CREB5: variants seen among roughly 807,000 people sequenced by gnomAD.
The protein encoded by CREB5 is cAMP responsive element binding protein 5.
A neutral mutation model predicts 57.1 loss-of-function variants in CREB5; 19 were observed. That is an observed-to-expected ratio of 0.33 (90% CI 0.23 to 0.49). The LOEUF (loss-of-function observed/expected upper bound fraction) is 0.49. CREB5 is among the 20% of genes least tolerant of loss of function. CREB5 has a pLI of 0.99. For missense variants in CREB5, 579 were observed against 671.6 expected, an observed-to-expected ratio of 0.86 and a Z score of 1.52; for synonymous variants, 238 against 238.3, an observed-to-expected ratio of 1.00 and a Z score of 0.01.
intron 7 of CREB5, among the ~76,000 whole-genome samples, chr7:28,730,409 T>C (rs1421258213): frequency 2.0e-5 from 3 of 151,678 alleles, no homozygotes; most frequent in African/African-American, 7.3e-5. Flanking sequence ...ATCTTGGAAC[T>C]CCTGGGTTCA....
At chr7:28,699,138 GCTTC>G (rs546767639) in intron 5 of CREB5, among the ~76,000 whole-genome samples, 247 of 150,566 alleles carry the variant, frequency 1.6e-3, no homozygotes, top group Non-Finnish European at 2.0e-3. Flanking sequence ...ACCAAGGTTT[GCTTC>G]CTTCCTTCCT....
chr7:28,432,096 G>T (rs1788740525), intron 1 of CREB5, among the ~76,000 whole-genome samples: 1 of 149,954 alleles, frequency 6.7e-6, no homozygotes, highest in African/African-American at 2.5e-5. Flanking sequence ...AGCCGTGTTT[G>T]GGCAAAGATA....
intron 5 of CREB5, among the ~76,000 whole-genome samples, chr7:28,572,825 C>T (rs1182474903): frequency 6.6e-6 from 1 of 152,150 alleles, no homozygotes; most frequent in Non-Finnish European, 1.5e-5. Flanking sequence ...GCGGGTGTTT[C>T]TGTGGTATGG....
rs76610423 is a variant in CREB5 at position 28,481,748 on chromosome 7, T to C, written c.4-6427T>C. Among the ~76,000 whole-genome samples, 802 of 151,994 alleles carry C rather than the reference T, an allele frequency of 5.3e-3. 8 individuals are homozygous for C. Among genetic ancestry groups the C allele is most frequent in the African/African-American group, 0.018 (765 of 41,434 alleles). ...GCTGGTAAGAACACTACTGATAAAA[T>C]GAGTATATGCATGTGTCTGTGTGAG... On this transcript the variant is annotated intron_variant, in intron 1 of 10. Transcript: ENST00000357727.
chr7:28,389,406 A>G (rs1012756009), intron 1 of CREB5, among the ~76,000 whole-genome samples: 1 of 152,156 alleles, frequency 6.6e-6, no homozygotes, highest in Non-Finnish European at 1.5e-5. Flanking sequence ...ACACACACGC[A>G]CACTAATCCA....
At chr7:28,425,157 C>T (rs1009694310) in intron 1 of CREB5, among the ~76,000 whole-genome samples, 5 of 151,940 alleles carry the variant, frequency 3.3e-5, no homozygotes, top group Non-Finnish European at 7.4e-5. Context: ...CACTACCTAT[C>T]AGGGTTACTT....
chr7:28,492,293 G>A (rs1163959899), intron 2 of CREB5, among the ~76,000 whole-genome samples: 2 of 152,160 alleles, frequency 1.3e-5, no homozygotes, highest in African/African-American at 2.4e-5. Flanking sequence ...AGCCACCGTG[G>A]CCACGTGGGA....
chr7:28,691,156 G>A (rs1477022744), intron 5 of CREB5, among the ~76,000 whole-genome samples: 2 of 152,140 alleles, frequency 1.3e-5, no homozygotes, highest in African/African-American at 4.8e-5. Flanking sequence ...GTGGTGACTT[G>A]TGCCTGTAAT....
chr7:28,627,712 G>T (rs981227629), intron 5 of CREB5, among the ~76,000 whole-genome samples: 1 of 151,942 alleles, frequency 6.6e-6, no homozygotes, highest in African/African-American at 2.4e-5. Context: ...CTTTCTAAGG[G>T]CCCCCTCTAC....
upstream of CREB5, among the ~76,000 whole-genome samples, chr7:28,408,352 G>A (rs1787634240): frequency 6.6e-6 from 1 of 152,236 alleles, no homozygotes; most frequent in Non-Finnish European, 1.5e-5. Flanking sequence ...GCTGGATTTA[G>A]CCTATGCCTT....
At chr7:28,314,284 C>G (rs1036976401) in intron 1 of CREB5, among the ~76,000 whole-genome samples, 1 of 152,144 alleles carries the variant, frequency 6.6e-6, no homozygotes. Context: ...GAAAACACTT[C>G]AAGATGAGAT....
At chr7:28,673,042 C>A (rs1800129523) in intron 5 of CREB5, among the ~76,000 whole-genome samples, 1 of 152,154 alleles carries the variant, frequency 6.6e-6, no homozygotes, top group African/African-American at 2.4e-5. Flanking sequence ...TCAGTGTAGG[C>A]CATCTTCTGG....
At chr7:28,813,779 C>T (rs1809263975) in intron 9 of CREB5, among the ~76,000 whole-genome samples, 1 of 152,062 alleles carries the variant, frequency 6.6e-6, no homozygotes, top group African/African-American at 2.4e-5. Context: ...GCTGCTTCAT[C>T]CCAAGGCAAA....
intron 4 of CREB5, among the ~76,000 whole-genome samples, chr7:28,559,558 G>A (rs1015135410): frequency 2.0e-5 from 3 of 146,596 alleles, no homozygotes; most frequent in African/African-American, 4.9e-5. Flanking sequence ...CAGGCAATCC[G>A]CCCGCCTCAG....
intron 1 of CREB5, among the ~76,000 whole-genome samples, chr7:28,381,819 T>C (rs528524223): frequency 2.2e-3 from 335 of 152,330 alleles, no homozygotes; most frequent in African/African-American, 7.8e-3. Flanking sequence ...GTTTTGCTTA[T>C]GTCTTGTTAC....
chr7:28,595,898 C>T (rs1014535649), intron 5 of CREB5, among the ~76,000 whole-genome samples: 4 of 152,174 alleles, frequency 2.6e-5, no homozygotes, highest in Admixed American at 2.0e-4. Flanking sequence ...ATCTTAACCT[C>T]GGCAGACAGA....
rs146021007 is a variant in CREB5 at position 28,363,279 on chromosome 7, C to A, written c.-25+63838C>A. Among the ~76,000 whole-genome samples, 499 of 152,154 alleles carry A rather than the reference C, an allele frequency of 3.3e-3. 1 individual carries two copies. Among genetic ancestry groups the A allele is most frequent in the African/African-American group, 0.012 (478 of 41,506 alleles). ...ACGAAGCAGGTGTTCTTGGTCCTGACCCATGAAGAAGGCAAGCACATAATT... is the reference window on the plus strand; with the variant it reads ...ACGAAGCAGGTGTTCTTGGTCCTGAACCATGAAGAAGGCAAGCACATAATT... On this transcript the variant is annotated intron_variant, in intron 1 of 9. Transcript: ENST00000396299.
chr7:28,419,571 A>G (rs887651138), intron 1 of CREB5, among the ~76,000 whole-genome samples: 6 of 152,236 alleles, frequency 3.9e-5, no homozygotes, highest in Non-Finnish European at 7.3e-5. Context: ...ATTCATACAT[A>G]TACATGCTTA....
intron 5 of CREB5, among the ~76,000 whole-genome samples, chr7:28,586,925 G>T (rs556164059): frequency 3.5e-4 from 53 of 152,330 alleles, no homozygotes; most frequent in African/African-American, 1.3e-3. Flanking sequence ...GCGGACCAGA[G>T]TGTCCTGGCA....
Sources: gnomAD v4.1 joint callset for allele counts (sites outside exome capture counted in the v4.1 genomes callset) on GRCh38, gnomAD v4.1.1 for gene constraint, MANE v1.5 for transcripts, NCBI Gene and HGNC (gene_info 2026-07-23, HGNC 2026-07-21) for gene names.